Variants in STRN3 observed in about 807,000 individuals in gnomAD.
STRN3 encodes the protein striatin 3.
A neutral mutation model predicts 95.6 loss-of-function variants in STRN3; 29 were observed. The observed-to-expected ratio is 0.30, with a 90% CI of 0.23 to 0.41. STRN3 has a LOEUF of 0.41. Ranked by LOEUF, STRN3 falls within the 10% of genes least tolerant of loss-of-function variation. The probability of loss-of-function intolerance (pLI) is 1.00; values close to 1 mark genes in which losing one functional copy is unlikely to be tolerated. For synonymous variants in STRN3, 331 were observed against 357.6 expected (o/e 0.93, Z 0.84); for missense variants, 890 against 972.1 (o/e 0.92, Z 1.12).
chr14:30,982,989 G>T (rs1002384718), intron 1 of STRN3, among the ~76,000 whole-genome samples: 3 of 152,062 alleles, frequency 2.0e-5, no homozygotes, highest in Non-Finnish European at 2.9e-5. Flanking sequence ...AAATAAATTA[G>T]AAAAATGCTA....
intron 14 of STRN3, 140 bp downstream of exon 14, chr14:30,906,737 A>T: frequency 1.0e-6 from 1 of 965,756 alleles, no homozygotes; most frequent in East Asian, 2.7e-5. Flanking sequence ...AAAATGAGTA[A>T]AAAGTTTATC....
chr14:31,005,650 G>C (rs2139304023), intron 1 of STRN3, among the ~76,000 whole-genome samples: 1 of 152,324 alleles, frequency 6.6e-6, no homozygotes, highest in East Asian at 1.9e-4. Context: ...CAGATGACTT[G>C]AAGAAATCTG....
intron 13 of STRN3, among the ~76,000 whole-genome samples, chr14:30,910,657 A>G (rs1047118885): frequency 2.0e-5 from 3 of 152,050 alleles, no homozygotes; most frequent in African/African-American, 7.2e-5. Flanking sequence ...TTGGCTCCAA[A>G]AAGTTTTAAT....
At chr14:30,968,678 C>CA (rs202184920) in intron 1 of STRN3, among the ~76,000 whole-genome samples, 9,596 of 127,766 alleles carry the variant, frequency 0.075, 527 homozygotes, top group East Asian at 0.22. Context: ...GACTCCATCT[C>CA]AAAAAAAAAA....
At chr14:31,000,448 T>C (rs1019369961) in intron 1 of STRN3, among the ~76,000 whole-genome samples, 2 of 150,142 alleles carry the variant, frequency 1.3e-5, no homozygotes, top group African/African-American at 4.9e-5. Context: ...TGGGTATTAA[T>C]CCTAACTAGG....
intron 1 of STRN3, among the ~76,000 whole-genome samples, chr14:31,009,534 A>G (rs1882871582): frequency 6.6e-6 from 1 of 151,396 alleles, no homozygotes; most frequent in Admixed American, 6.6e-5. Flanking sequence ...AAAAATTCTG[A>G]AAAGACATGC....
intron 5 of STRN3, among the ~76,000 whole-genome samples, chr14:30,939,726 A>G (rs1023415799): frequency 6.6e-6 from 1 of 152,118 alleles, no homozygotes; most frequent in African/African-American, 2.4e-5. Context: ...ATTCCTACAC[A>G]CTAGGAACAA....
intron 1 of STRN3, among the ~76,000 whole-genome samples, chr14:30,969,191 T>C (rs886670183): frequency 6.6e-6 from 1 of 152,198 alleles, no homozygotes; most frequent in Non-Finnish European, 1.5e-5. Flanking sequence ...ATCCCAGCAC[T>C]TTGGGAGGCC....
At chr14:30,917,877 C>A (rs1896780881) in intron 9 of STRN3, among the ~76,000 whole-genome samples, 1 of 152,058 alleles carries the variant, frequency 6.6e-6, no homozygotes, top group African/African-American at 2.4e-5. Context: ...AGAGCAAAGG[C>A]AATAACATCA....
At chr14:30,936,717 A>G (rs1878840449) in intron 5 of STRN3, 93 bp from the exon 6 acceptor site, 1 of 1,452,660 alleles carries the variant, frequency 6.9e-7, no homozygotes, top group Admixed American at 2.5e-5. Context: ...TCTTAAAACT[A>G]GAGAGATTCG....
intron 1 of STRN3, among the ~76,000 whole-genome samples, chr14:30,993,715 T>C (rs1239645572): frequency 2.0e-5 from 3 of 152,172 alleles, no homozygotes; most frequent in Non-Finnish European, 2.9e-5. Flanking sequence ...GTCTCACTCT[T>C]GTCGCCCAGG....
rs150714208 is a variant in STRN3, at chr14:30,963,039, C to T, written c.283-6797G>A. ...ATGTTCACAAGATGAAATCATCTAA[C>T]GATACATTTCTCAAAACATATTCTT... On this transcript the variant is annotated intron_variant, in intron 1 of 17. Coordinates refer to ENST00000357479, the MANE Select transcript of STRN3 (RefSeq NM_001083893.2). 2.9e-3 allele frequency among the ~76,000 whole-genome samples: 439 copies of T among 152,184 alleles called. 4 individuals carry two copies. Among genetic ancestry groups the T allele is most frequent in the African/African-American group, 1.0e-2 (415 of 41,510 alleles).
intron 8 of STRN3, among the ~76,000 whole-genome samples, chr14:30,920,570 T>A (rs1338792862): frequency 6.6e-6 from 1 of 152,172 alleles, no homozygotes. Context: ...CTTCTTCAAC[T>A]TGTAAAATTA....
intron 4 of STRN3, among the ~76,000 whole-genome samples, chr14:30,948,665 C>G (rs762015872): frequency 1.4e-4 from 21 of 152,218 alleles, no homozygotes; most frequent in South Asian, 6.2e-4. Context: ...AAATGGAAAA[C>G]AGACAGCTGA....
At chr14:30,969,148 T>C (rs559440408) in intron 1 of STRN3, among the ~76,000 whole-genome samples, 1 of 151,816 alleles carries the variant, frequency 6.6e-6, no homozygotes, top group South Asian at 2.1e-4. Context: ...TTAAAAAGAG[T>C]CTATAAGCTG....
intron 10 of STRN3, 117 bp downstream of exon 10, chr14:30,913,407 T>C (rs527909740): frequency 8.8e-7 from 1 of 1,140,900 alleles, no homozygotes; most frequent in East Asian, 2.6e-5. Context: ...ATCAACACAT[T>C]GACACAAACT....
At chr14:31,005,481 G>A (rs191852791) in intron 1 of STRN3, among the ~76,000 whole-genome samples, 46 of 152,306 alleles carry the variant, frequency 3.0e-4, no homozygotes, top group Middle Eastern at 3.4e-3. Flanking sequence ...TTTATCTGTA[G>A]CTATCTACTT....
chr14:30,898,677 T>C (rs1296397766), intron 16 of STRN3, among the ~76,000 whole-genome samples: 2 of 152,188 alleles, frequency 1.3e-5, no homozygotes, highest in Middle Eastern at 3.2e-3. Context: ...CACTAACATA[T>C]ACCTGCAGCT....
intron 1 of STRN3, among the ~76,000 whole-genome samples, chr14:31,002,962 T>C (rs1882538145): frequency 6.6e-6 from 1 of 152,050 alleles, no homozygotes; most frequent in African/African-American, 2.4e-5. Flanking sequence ...GCAATAAACC[T>C]TTGAAAATGG....
Sources: gnomAD v4.1 joint callset for allele counts (sites outside exome capture counted in the v4.1 genomes callset) on GRCh38, gnomAD v4.1.1 for gene constraint, MANE v1.5 for transcripts, NCBI Gene and HGNC (gene_info 2026-07-23, HGNC 2026-07-21) for gene names.